Variants in BCAR3 observed in about 807,000 individuals in gnomAD.
The protein encoded by BCAR3 is breast cancer anti-estrogen resistance protein 3.
A neutral mutation model predicts 80.1 loss-of-function variants in BCAR3; 37 were observed. The ratio of observed to expected loss-of-function variants is 0.46; its 90% confidence interval spans 0.36 to 0.61. The LOEUF is 0.61. Among genes scored for constraint, BCAR3 ranks in the 20% least tolerant of loss-of-function variants. The probability of loss-of-function intolerance (pLI) is 0.00; values close to 1 mark genes in which losing one functional copy is unlikely to be tolerated. For synonymous variants in BCAR3, 389 were observed against 418.9 expected (o/e 0.93, Z 0.87); for missense variants, 978 against 1,068.2 (o/e 0.92, Z 1.18).
chr1:93,671,610 C>T lies in BCAR3; in HGVS notation c.317+3004G>A, dbSNP rs76598501. 7.1e-3 allele frequency among the ~76,000 whole-genome samples: 1,086 copies of T among 152,276 alleles called. 7 individuals are homozygous for T. The highest frequency in any genetic ancestry group is 0.022 in the African/African-American group (894 of 41,546). ...GAGCTGGAGTGAATGGTTGGTGTTT[C>T]GCAGCTCCTTTCAACTGGAAGAGTT... On this transcript the variant is annotated intron_variant, in intron 2 of 11. Coordinates refer to ENST00000260502, the MANE Select transcript of BCAR3 (RefSeq NM_003567.4).
At chr1:93,648,705 G>A (rs1172642094) in intron 2 of BCAR3, 1 of 152,176 alleles carries the variant, frequency 6.6e-6, no homozygotes, top group Non-Finnish European at 1.5e-5. Flanking sequence ...CTGAGGACCA[G>A]CTATTTGGAA....
Position 93,588,971 on chromosome 1 carries a change from A to G in BCAR3, c.929+6T>C, listed in dbSNP as rs1228194595. The G allele has an allele frequency of 6.4e-7, 1 of 1,555,418 alleles. No homozygotes were observed. The highest frequency in any genetic ancestry group is 8.7e-7 in the Non-Finnish European group (1 of 1,146,386). The stretch of plus-strand genomic sequence containing the variant: ...TCATAGTCCTGCAGAGGAGGCCCTG[A>G]CCTACCTGAGGAGGTTTCCCCTGGG... On this transcript the variant is annotated splice_donor_region_variant and intron_variant, in intron 5 of 11. Transcript: ENST00000260502.
At chr1:93,786,598 G>A (rs190167707) in intron 2 of BCAR3, among the ~76,000 whole-genome samples, 16 of 152,300 alleles carry the variant, frequency 1.1e-4, no homozygotes, top group Admixed American at 4.6e-4. Context: ...AAGGGGAACA[G>A]GATCAAATGT....
intron 3 of BCAR3, among the ~76,000 whole-genome samples, chr1:93,701,624 G>A (rs914019463): frequency 3.9e-5 from 6 of 152,246 alleles, no homozygotes; most frequent in African/African-American, 2.4e-5. Flanking sequence ...GTGTGATGAG[G>A]GGCTGGGCAG....
chr1:93,672,763 T>G (rs1247416046), intron 2 of BCAR3, among the ~76,000 whole-genome samples: 1 of 152,218 alleles, frequency 6.6e-6, no homozygotes, highest in African/African-American at 2.4e-5. Context: ...CCCCAAGGAA[T>G]GTCCTAATCT....
intron 2 of BCAR3, among the ~76,000 whole-genome samples, chr1:93,713,698 C>T (rs1045280740): frequency 1.7e-4 from 26 of 151,764 alleles, no homozygotes; most frequent in Non-Finnish European, 2.9e-5. Context: ...AGCAATGGTT[C>T]CAAAAACTGA....
intron 2 of BCAR3, among the ~76,000 whole-genome samples, chr1:93,836,331 C>T (rs1036256178): frequency 5.3e-5 from 8 of 152,196 alleles, no homozygotes; most frequent in African/African-American, 1.9e-4. Context: ...GGCACTCTCA[C>T]ATTAGATGTC....
chr1:93,684,105 T>G (rs969285691), upstream of BCAR3, among the ~76,000 whole-genome samples: 3 of 152,196 alleles, frequency 2.0e-5, no homozygotes, highest in Non-Finnish European at 2.9e-5. Flanking sequence ...AGCATGAATA[T>G]TTGATTTTTG....
rs376152130 is a variant in BCAR3 at position 93,733,949 on chromosome 1, C to G, written c.-62-27807G>C. Among the ~76,000 whole-genome samples, 39 of 152,364 alleles carry G rather than the reference C, an allele frequency of 2.6e-4. 3 individuals carry two copies. The highest frequency in any genetic ancestry group is 1.2e-3 in the Admixed American group (19 of 15,308). On this transcript the variant is annotated intron_variant, in intron 2 of 13. Transcript: ENST00000370244. ...ATCTCTGAGGGGTAGAAACCAGTGA[C>G]TTTTCTCCTAAATATCTGGCCTTAT...
intron 2 of BCAR3, among the ~76,000 whole-genome samples, chr1:93,752,303 C>T (rs1187237838): frequency 2.0e-5 from 3 of 152,228 alleles, no homozygotes; most frequent in South Asian, 2.1e-4. Context: ...AGCCCCTCTG[C>T]ATTAGGAATG....
rs528223635 is a variant in BCAR3, at chr1:93,633,108, T to C, written c.357+9196A>G. 3.9e-5 allele frequency among the ~76,000 whole-genome samples: 6 copies of C among 152,360 alleles called. No individual in the cohort carries two copies. In the East Asian group the frequency reaches 1.2e-3, roughly 29 times the overall value. On this transcript the variant is annotated intron_variant, in intron 3 of 11. Coordinates refer to ENST00000260502, the MANE Select transcript of BCAR3 (RefSeq NM_003567.4). ...GTGGGCTAGATTTGGTCTTAGGCTA[T>C]AGTTTGCTGACCCCTTGGTCTAAAG...
intron 2 of BCAR3, among the ~76,000 whole-genome samples, chr1:93,644,808 G>C (rs1455141807): frequency 1.3e-5 from 2 of 152,174 alleles, no homozygotes; most frequent in Admixed American, 1.3e-4. Flanking sequence ...TCCTCTGGTG[G>C]AACTGGTAAG....
chr1:93,780,226 C>T (rs6680755), intron 2 of BCAR3, among the ~76,000 whole-genome samples: 13,052 of 152,230 alleles, frequency 0.086, 1,104 homozygotes, highest in African/African-American at 0.21. Flanking sequence ...TCCTAGCTCC[C>T]CTGATACTTT....
chr1:93,842,810 A>G (rs1317067778), intron 2 of BCAR3, among the ~76,000 whole-genome samples: 3 of 152,064 alleles, frequency 2.0e-5, no homozygotes, highest in Non-Finnish European at 1.5e-5. Flanking sequence ...GTACTTCCAT[A>G]AGGACCCATC....
chr1:93,702,268 G>A (rs1649670247), intron 3 of BCAR3, among the ~76,000 whole-genome samples: 1 of 152,200 alleles, frequency 6.6e-6, no homozygotes, highest in Admixed American at 6.5e-5. Flanking sequence ...GGAAGAAAAT[G>A]TGTGCCTAGG....
chr1:93,713,414 C>T (rs1247067794), intron 2 of BCAR3, among the ~76,000 whole-genome samples: 1 of 152,136 alleles, frequency 6.6e-6, no homozygotes, highest in African/African-American at 2.4e-5. Context: ...TTTCCTGGAC[C>T]TCTGCCTTCC....
intron 3 of BCAR3, among the ~76,000 whole-genome samples, chr1:93,637,294 T>C (rs1675816762): frequency 6.6e-6 from 1 of 151,860 alleles, no homozygotes; most frequent in Non-Finnish European, 1.5e-5. Context: ...TCCAGCCTCC[T>C]GAGGTGCCTG....
chr1:93,628,576 C>G (rs924577634), intron 3 of BCAR3, among the ~76,000 whole-genome samples: 7 of 152,172 alleles, frequency 4.6e-5, no homozygotes, highest in African/African-American at 1.7e-4. Context: ...CTTCTTCTTC[C>G]CCTTAGACAT....
At chr1:93,585,229 A>G (rs1673895394) in intron 5 of BCAR3, 1 of 985,306 alleles carries the variant, frequency 1.0e-6, no homozygotes, top group South Asian at 4.7e-5. Context: ...AGCAGGCCCG[A>G]CGTCAGGGCA....
Sources: gnomAD v4.1 joint callset for allele counts (sites outside exome capture counted in the v4.1 genomes callset) on GRCh38, gnomAD v4.1.1 for gene constraint, MANE v1.5 for transcripts, NCBI Gene and HGNC (gene_info 2026-07-23, HGNC 2026-07-21) for gene names.